SPAG1: variants seen among roughly 807,000 people sequenced by gnomAD.
SPAG1 encodes sperm-associated antigen 1.
In SPAG1, 69 loss-of-function variants were observed where a neutral mutation model predicts 100.5. The observed-to-expected ratio is 0.69, with a 90% confidence interval of 0.57 to 0.84. The LOEUF is 0.84. Ranked by LOEUF, SPAG1 falls within the 40% of genes least tolerant of loss-of-function variation. The pLI, the probability that SPAG1 is intolerant of heterozygous loss-of-function variation, is 0.00. For missense variants in SPAG1, 955 were observed against 1,133.1 expected (o/e 0.84, Z 2.26); for synonymous variants, 336 against 411.6 (o/e 0.82, Z 2.22).
At chr8:100,187,303 G>A in intron 8 of SPAG1, 53 bp downstream of exon 8, 1 of 1,444,232 alleles carries the variant, frequency 6.9e-7, no homozygotes, top group Non-Finnish European at 9.4e-7. Context: ...CATTAATAAA[G>A]ACCATTTGTA....
chr8:100,161,987 C>T (rs1182729036), intron 1 of SPAG1, among the ~76,000 whole-genome samples: 3 of 152,172 alleles, frequency 2.0e-5, no homozygotes, highest in Admixed American at 6.5e-5. Flanking sequence ...ATCTGCATCT[C>T]GTTATTGGGC....
intron 12 of SPAG1, among the ~76,000 whole-genome samples, chr8:100,214,181 C>A (rs1476945877): frequency 6.6e-6 from 1 of 152,190 alleles, no homozygotes; most frequent in Non-Finnish European, 1.5e-5. Context: ...CTGGAGAAGC[C>A]TGATAACTAA....
intron 9 of SPAG1, 102 bp from the exon 10 acceptor site, chr8:100,194,010 G>T: frequency 9.5e-7 from 1 of 1,048,596 alleles, no homozygotes. Context: ...CCTTGTCTTA[G>T]TTGTATTCAT....
chr8:100,226,017 G>A (rs1402608982), intron 14 of SPAG1, among the ~76,000 whole-genome samples: 1 of 111,220 alleles, frequency 9.0e-6, no homozygotes, highest in Non-Finnish European at 1.9e-5. Context: ...TTTTTTTTTT[G>A]GTGGAGTCTC....
At chr8:100,170,496 A>G (rs1382114871) in intron 3 of SPAG1, among the ~76,000 whole-genome samples, 2 of 152,142 alleles carry the variant, frequency 1.3e-5, no homozygotes, top group African/African-American at 4.8e-5. Flanking sequence ...TTCATCCTGC[A>G]AAACAAATGC....
In SPAG1 at chr8:100,225,510, C is replaced by T. The variant is rs1009581764; in HGVS notation, c.1855+171C>T. ...TTTGAGACAGGGTCTTGCTCTGTTG[C>T]CCAGGCTGGAGTGCAGTGGTGCGAT... is the stretch of plus-strand genomic sequence containing the variant. On this transcript the variant is annotated intron_variant, in intron 14 of 18. Transcript: ENST00000388798. Among the ~76,000 whole-genome samples the T allele has an allele frequency of 2.0e-5, 3 of 152,162 alleles. No homozygotes were observed. In the East Asian group the frequency reaches 5.8e-4, roughly 29 times the overall value.
intron 1 of SPAG1, among the ~76,000 whole-genome samples, chr8:100,159,664 A>G (rs956890495): frequency 4.6e-5 from 7 of 152,240 alleles, no homozygotes; most frequent in Non-Finnish European, 1.0e-4. Flanking sequence ...TTATATAGAC[A>G]TGAAGTAAAA....
chr8:100,165,448 A>G, intron 2 of SPAG1: 1 of 388,160 alleles, frequency 2.6e-6, no homozygotes, highest in Non-Finnish European at 5.0e-6. Context: ...GTCAGACCTC[A>G]GAGTGATCTT....
intron 12 of SPAG1, among the ~76,000 whole-genome samples, chr8:100,214,138 A>G (rs1291622984): frequency 2.6e-5 from 4 of 152,212 alleles, no homozygotes; most frequent in African/African-American, 7.2e-5. Context: ...CTACCGCCCT[A>G]ATTCGTGCTC....
chr8:100,164,470 G>A (rs539464314), intron 2 of SPAG1, among the ~76,000 whole-genome samples: 10 of 152,154 alleles, frequency 6.6e-5, no homozygotes, highest in Admixed American at 3.3e-4. Flanking sequence ...TGTCACCCAG[G>A]CTGGAGTGCA....
intron 4 of SPAG1, among the ~76,000 whole-genome samples, chr8:100,179,382 CA>C (rs1816269426): frequency 6.6e-6 from 1 of 152,002 alleles, no homozygotes; most frequent in East Asian, 1.9e-4. Context: ...GAATCCATCT[CA>C]AAAAATAATA....
chr8:100,200,105 C>T (rs1016676975), intron 10 of SPAG1, among the ~76,000 whole-genome samples: 2 of 152,306 alleles, frequency 1.3e-5, no homozygotes, highest in South Asian at 2.1e-4. Context: ...CTCACTCCAA[C>T]CCCATGACAG....
intron 1 of SPAG1, among the ~76,000 whole-genome samples, chr8:100,160,845 T>A (rs1281708757): frequency 6.6e-6 from 1 of 152,164 alleles, no homozygotes; most frequent in Non-Finnish European, 1.5e-5. Flanking sequence ...CATTAAAAAA[T>A]CTTAAAAAGC....
chr8:100,203,437 C>A (rs1021351002), intron 10 of SPAG1, among the ~76,000 whole-genome samples: 1 of 152,114 alleles, frequency 6.6e-6, no homozygotes, highest in Non-Finnish European at 1.5e-5. Flanking sequence ...GGATGCAGTT[C>A]TTTCGTTGGT....
chr8:100,219,167 A>G (rs200525418), intron 12 of SPAG1, among the ~76,000 whole-genome samples: 1 of 152,248 alleles, frequency 6.6e-6, no homozygotes. Context: ...TACTCTGTCA[A>G]TGTTTCCTCA....
chr8:100,238,765 CTTA>C (rs34826603), intron 16 of SPAG1, among the ~76,000 whole-genome samples: 81,472 of 151,694 alleles, frequency 0.54, 22,770 homozygotes, highest in Admixed American at 0.64. Flanking sequence ...GTTTAAGCCA[CTTA>C]TTATTTGTTC....
intron 3 of SPAG1, among the ~76,000 whole-genome samples, chr8:100,168,889 G>A (rs1172050662): frequency 6.6e-6 from 1 of 151,598 alleles, no homozygotes; most frequent in East Asian, 1.9e-4. Flanking sequence ...GTTTCTCCAT[G>A]TTGGTCAGGC....
chr8:100,177,916 C>T lies in SPAG1; in HGVS notation c.401C>T (p.Ser134Leu), dbSNP rs934869420. The change falls in exon 4 of 19, where the codon TCA becomes TTA. Residue 134 changes from serine to leucine, a missense_variant. Physicochemically the swap from Ser to Leu is moderately radical, Grantham distance 145. Coordinates refer to ENST00000388798, the MANE Select transcript of SPAG1 (RefSeq NM_003114.5). ...MKDNLPPVRG[S>L]NSCLHVGKEK... ...GATAATTTGCCTCCAGTTCGTGGTT[C>T]AAACAGCTGTCTTCATGTAGGCAAG... 2.0e-5 allele frequency: 33 copies of T among 1,612,672 alleles called. No homozygotes were observed. In the Middle Eastern group the frequency reaches 6.6e-4, roughly 32 times the overall value.
chr8:100,187,812 T>A (rs963095071), intron 8 of SPAG1, among the ~76,000 whole-genome samples: 4 of 152,198 alleles, frequency 2.6e-5, no homozygotes, highest in African/African-American at 9.6e-5. Flanking sequence ...AGCTTCTTTG[T>A]GGATATTTCC....
Sources: gnomAD v4.1 joint callset for allele counts (sites outside exome capture counted in the v4.1 genomes callset) on GRCh38, gnomAD v4.1.1 for gene constraint, MANE v1.5 for transcripts, NCBI Gene and HGNC (gene_info 2026-07-23, HGNC 2026-07-21) for gene names.